The following STK32B variants were observed in gnomAD, a reference collection of about 807,000 sequenced individuals.
STK32B encodes the protein serine/threonine-protein kinase 32B.
In STK32B, 43 loss-of-function variants were observed where a neutral mutation model predicts 52.6. The ratio of observed to expected loss-of-function variants is 0.82; its 90% CI spans 0.64 to 1.05. The LOEUF is 1.05. Ranked by LOEUF, STK32B falls within the 50% of genes least tolerant of loss-of-function variation. The probability of loss-of-function intolerance (pLI) is 0.00; values close to 1 mark genes in which losing one functional copy is unlikely to be tolerated. For missense variants in STK32B, 621 were observed against 534.6 expected, an observed-to-expected ratio of 1.16 and a Z score of -1.59; for synonymous variants, 238 against 204.3, an observed-to-expected ratio of 1.17 and a Z score of -1.41.
chr4:5,356,411 G>C (rs1734172534), intron 4 of STK32B, among the ~76,000 whole-genome samples: 1 of 152,162 alleles, frequency 6.6e-6, no homozygotes, highest in Non-Finnish European at 1.5e-5. Flanking sequence ...CACATTCACA[G>C]ACAGCAGGGT....
intron 1 of STK32B, among the ~76,000 whole-genome samples, chr4:5,086,880 C>T (rs1712761175): frequency 6.6e-6 from 1 of 152,112 alleles, no homozygotes; most frequent in Admixed American, 6.5e-5. Context: ...AAGACATTTC[C>T]AGATAAACAA....
At chr4:5,181,967 A>G (rs553287539) in intron 3 of STK32B, among the ~76,000 whole-genome samples, 7 of 152,366 alleles carry the variant, frequency 4.6e-5, no homozygotes, top group Non-Finnish European at 8.8e-5. Context: ...TCTTTCAGAA[A>G]TACAGTCAAT....
At chr4:5,250,259 A>G (rs919396416) in intron 3 of STK32B, among the ~76,000 whole-genome samples, 23 of 151,246 alleles carry the variant, frequency 1.5e-4, no homozygotes, top group Non-Finnish European at 3.2e-4. Flanking sequence ...TCCTTTGAGT[A>G]TATACCCAAA....
chr4:5,316,757 CATATATATT>C (rs1299604447), intron 3 of STK32B, among the ~76,000 whole-genome samples: 87 of 5,644 alleles, frequency 0.015, 4 homozygotes, highest in South Asian at 0.024. Flanking sequence ...TATATTATAT[CATATATATT>C]ATATATATTA....
At chr4:5,230,320 GCT>G (rs1724175592) in intron 3 of STK32B, among the ~76,000 whole-genome samples, 1 of 150,894 alleles carries the variant, frequency 6.6e-6, no homozygotes, top group South Asian at 2.1e-4. Context: ...CTCCAGAGTA[GCT>G]GGGACTACAG....
chr4:5,351,895 A>T (rs928016128), intron 4 of STK32B, among the ~76,000 whole-genome samples: 6 of 152,110 alleles, frequency 3.9e-5, no homozygotes, highest in African/African-American at 1.4e-4. Flanking sequence ...CCAAGATTAA[A>T]TCAGGAAGAA....
chr4:5,230,397 C>G (rs930881888), intron 3 of STK32B, among the ~76,000 whole-genome samples: 9 of 151,706 alleles, frequency 5.9e-5, no homozygotes, highest in African/African-American at 2.2e-4. Flanking sequence ...ACCATATTAG[C>G]CAGGCTGGTA....
At chr4:5,496,538 A>C (rs1191313885) in intron 11 of STK32B, among the ~76,000 whole-genome samples, 1 of 123,098 alleles carries the variant, frequency 8.1e-6, no homozygotes, top group Non-Finnish European at 1.6e-5. Flanking sequence ...CGAGTGAGGC[A>C]ATGCCTTGCC....
At chr4:5,200,825 T>TC (rs771124706) in intron 3 of STK32B, among the ~76,000 whole-genome samples, 4 of 152,106 alleles carry the variant, frequency 2.6e-5, no homozygotes, top group South Asian at 2.1e-4. Flanking sequence ...AGGTCATGGG[T>TC]CCCCATTCCT....
chr4:5,315,066 A>G (rs372883825), intron 3 of STK32B, among the ~76,000 whole-genome samples: 5 of 152,274 alleles, frequency 3.3e-5, no homozygotes, highest in African/African-American at 1.2e-4. Flanking sequence ...AATATTTGCA[A>G]ACCACATATT....
chr4:5,339,259 C>T lies in STK32B; in HGVS notation c.434+7866C>T, dbSNP rs746292355. 5.3e-5 allele frequency among the ~76,000 whole-genome samples: 8 copies of T among 152,134 alleles called. 1 individual carries two copies. The highest frequency in any genetic ancestry group is 1.2e-4 in the Non-Finnish European group (8 of 68,026). On this transcript the variant is annotated intron_variant, in intron 4 of 11. Transcript: ENST00000282908. Reference sequence around the variant, plus strand: ...TAGGACTTCTCAGCCTCCAAAACCACGGGAGCCGATTCCCATGATAAATCT... The same window carrying T: ...TAGGACTTCTCAGCCTCCAAAACCATGGGAGCCGATTCCCATGATAAATCT...
At chr4:5,492,264 G>C (rs933087049) in intron 11 of STK32B, among the ~76,000 whole-genome samples, 1 of 152,108 alleles carries the variant, frequency 6.6e-6, no homozygotes, top group African/African-American at 2.4e-5. Flanking sequence ...TTGAGCAGTG[G>C]CTTGTAGTTC....
chr4:5,031,436 T>TA, the STK32B span, among the ~76,000 whole-genome samples: 49 of 151,978 alleles, frequency 3.2e-4, no homozygotes, highest in African/African-American at 1.1e-3. Flanking sequence ...ATCTCTGGTA[T>TA]AAAAAAACAA....
chr4:5,174,245 C>G (rs555407493), intron 3 of STK32B, among the ~76,000 whole-genome samples: 2 of 151,914 alleles, frequency 1.3e-5, no homozygotes, highest in South Asian at 2.1e-4. Flanking sequence ...TGGGTCTTGA[C>G]TCTTTATCCA....
chr4:5,384,486 G>A (rs1417656253), intron 4 of STK32B, among the ~76,000 whole-genome samples: 2 of 152,218 alleles, frequency 1.3e-5, no homozygotes, highest in African/African-American at 4.8e-5. Context: ...CCAGGGTTGG[G>A]GCAGGTCAAA....
At chr4:5,327,802 T>C (rs1272685274) in intron 3 of STK32B, among the ~76,000 whole-genome samples, 1 of 152,222 alleles carries the variant, frequency 6.6e-6, no homozygotes, top group Non-Finnish European at 1.5e-5. Context: ...CCTTTGACCC[T>C]TTGAAGCCAG....
chr4:5,031,594 A>AT, the STK32B span, among the ~76,000 whole-genome samples: 1 of 152,114 alleles, frequency 6.6e-6, no homozygotes, highest in African/African-American at 2.4e-5. Flanking sequence ...GTCTCCAAAA[A>AT]AAAAAAGATA....
At chr4:5,420,533 G>A (rs530502370) in intron 6 of STK32B, among the ~76,000 whole-genome samples, 9 of 152,196 alleles carry the variant, frequency 5.9e-5, no homozygotes, top group Non-Finnish European at 1.0e-4. Context: ...CCCAGCAAGA[G>A]CAGTAGGTTT....
At chr4:5,056,068 G>A (rs565991790) in intron 1 of STK32B, among the ~76,000 whole-genome samples, 4 of 152,212 alleles carry the variant, frequency 2.6e-5, no homozygotes, top group Admixed American at 2.6e-4. Context: ...GAGCATTAAT[G>A]CCTGAGTTCT....
Sources: gnomAD v4.1 joint callset for allele counts (sites outside exome capture counted in the v4.1 genomes callset) on GRCh38, gnomAD v4.1.1 for gene constraint, MANE v1.5 for transcripts, NCBI Gene and HGNC (gene_info 2026-07-23, HGNC 2026-07-21) for gene names.